The following EP300 variants were observed in gnomAD, a reference collection of about 807,000 sequenced individuals.
EP300 encodes the protein histone acetyltransferase p300.
EP300 carries 31 observed loss-of-function variants against 264.0 expected under a neutral mutation model. That is an observed-to-expected ratio of 0.12 (90% CI 0.09 to 0.16). The LOEUF is 0.16. EP300 is among the 10% of genes least tolerant of loss of function. The pLI is 1.00. For synonymous variants in EP300, 1,340 were observed against 1,045.4 expected, an observed-to-expected ratio of 1.28 and a Z score of -5.44; for missense variants, 2,766 against 3,052.9, an observed-to-expected ratio of 0.91 and a Z score of 2.21.
intron 14 of EP300, among the ~76,000 whole-genome samples, chr22:41,150,912 G>A (rs1322319506): frequency 2.0e-5 from 3 of 150,916 alleles, no homozygotes; most frequent in African/African-American, 2.4e-5. Context: ...AAAAATTGCA[G>A]ATTTATGAGT....
chr22:41,100,163 G>GT (rs1469301949), intron 1 of EP300, among the ~76,000 whole-genome samples: 1 of 152,186 alleles, frequency 6.6e-6, no homozygotes. Flanking sequence ...GAGCCCAGGA[G>GT]TTTTGAGGTT....
rs777548447 is a variant in EP300 at position 41,178,317 on chromosome 22, C to T, written c.6606C>T (p.Gly2202=). 7 of 1,614,158 alleles carry T rather than the reference C, an allele frequency of 4.3e-6. No homozygotes were observed. Among genetic ancestry groups the T allele is most frequent in the Non-Finnish European group, 5.9e-6 (7 of 1,180,016 alleles). Residue 2202 remains glycine, a synonymous_variant, in exon 31 of 31, where the codon GGC becomes GGT. Coordinates refer to ENST00000263253, the MANE Select transcript of EP300 (RefSeq NM_001429.4). ...AACAGGGAGCAGGGCCAGGAATAGG[C>T]CCTGGAATGGCCAACCATAACCAGT... ...QQQQGAGPGI[G]PGMANHNQFQ...
chr22:41,149,054 C>T lies in EP300; in HGVS notation c.2258C>T (p.Pro753Leu), dbSNP rs375255068. The T allele has an allele frequency of 6.2e-7, 1 of 1,613,132 alleles. No individual in the cohort carries two copies. Among genetic ancestry groups the T allele is most frequent in the Non-Finnish European group, 8.5e-7 (1 of 1,179,838 alleles). The change falls in exon 13 of 31, where the codon CCT (proline) becomes CTT (leucine). Residue 753 changes from proline (P) to leucine (L), a missense_variant. Physicochemically the swap from Pro to Leu is moderately conservative, Grantham distance 98. Coordinates refer to ENST00000263253, the MANE Select transcript of EP300 (RefSeq NM_001429.4). ...TTTTTTCAGCCTATGGGCTATGGGC[C>T]TCGTATGCAACAGCCTTCCAACCAG... ...GALNPPMGYG[P>L]RMQQPSNQGQ... is the part of the protein sequence containing the mutation.
At position 41,149,851 on chromosome 22, in the gene EP300, C is replaced by A; in HGVS notation, c.2470C>A (p.Gln824Lys). ...GSHIHCPQLP[Q>K]PALHQNSPSP... ...CCACATTCACTGTCCCCAGCTTCCT[C>A]AACCAGCTCTTCATCAGAATTCACC... is the stretch of plus-strand genomic sequence containing the variant. The change falls in exon 14 of 31, where the codon CAA becomes AAA. Residue 824 changes from glutamine (Q) to lysine (K), a missense_variant. Gln to Lys is a moderately conservative substitution (Grantham distance 53). Transcript: ENST00000263253. The A allele has an allele frequency of 6.2e-7, 1 of 1,614,104 alleles. No individual in the cohort carries two copies. The highest frequency in any genetic ancestry group is 8.5e-7 in the Non-Finnish European group (1 of 1,180,008).
chr22:41,097,398 T>C (rs1473390451), intron 1 of EP300, among the ~76,000 whole-genome samples: 1 of 152,216 alleles, frequency 6.6e-6, no homozygotes, highest in Non-Finnish European at 1.5e-5. Context: ...CTTGGTGGCC[T>C]TTTGGCATTA....
rs2058973840 is a variant in EP300, at chr22:41,140,200, C to T, written c.1821C>T (p.Asn607=). ...PAALKDRRME[N]LVAYARKVEG... ...CTTTAAAAGACAGACGGATGGAAAA[C>T]CTAGTTGCATATGCTCGGAAAGTTG... Residue 607 remains asparagine, a synonymous_variant, in exon 9 of 31, where the codon AAC becomes AAT. Coordinates refer to ENST00000263253, the MANE Select transcript of EP300 (RefSeq NM_001429.4). 1 of 1,613,946 alleles carries T rather than the reference C, an allele frequency of 6.2e-7. No homozygotes were observed. The highest frequency in any genetic ancestry group is 1.3e-5 in the African/African-American group (1 of 74,902).
chr22:41,145,008 T>G (rs2059002923), intron 10 of EP300, among the ~76,000 whole-genome samples: 1 of 152,210 alleles, frequency 6.6e-6, no homozygotes, highest in Non-Finnish European at 1.5e-5. Context: ...TCTCTCCACT[T>G]CAGTCCTCAC....
In EP300 at chr22:41,179,110, A is replaced by C; in HGVS notation, c.*154A>C. The C allele has an allele frequency of 1.2e-6, 1 of 814,924 alleles. No homozygotes were observed. Among genetic ancestry groups the C allele is most frequent in the Non-Finnish European group, 1.9e-6 (1 of 524,152 alleles). The allele number at this position is 814,924 out of a possible 1,614,324, so 50.5% of individuals were successfully genotyped here. A position where few individuals can be genotyped will look rare whatever the true frequency, so the allele number is the denominator to read the frequency against. ...GCAGTAGCCGTTTGTGGTTTAAAGCAAACATGCAAGATGAACCTGAGGGAT... is the reference window on the plus strand; with the variant it reads ...GCAGTAGCCGTTTGTGGTTTAAAGCCAACATGCAAGATGAACCTGAGGGAT... On this transcript the variant is annotated 3_prime_UTR_variant, in exon 31 of 31. Transcript: ENST00000263253.
chr22:41,130,615 T>C (rs1260340267), intron 5 of EP300, among the ~76,000 whole-genome samples: 4 of 152,172 alleles, frequency 2.6e-5, no homozygotes, highest in East Asian at 1.9e-4. Context: ...TCAATACTTA[T>C]TATTTATACA....
At chr22:41,136,766 G>C (rs558062538) in intron 7 of EP300, among the ~76,000 whole-genome samples, 2 of 152,270 alleles carry the variant, frequency 1.3e-5, no homozygotes, top group African/African-American at 2.4e-5. Context: ...ACAAGCCTTA[G>C]AAAACTAAGT....
chr22:41,162,313 T>G (rs566103134), intron 20 of EP300, among the ~76,000 whole-genome samples: 1 of 152,204 alleles, frequency 6.6e-6, no homozygotes, highest in Non-Finnish European at 1.5e-5. Flanking sequence ...TAATGTTGAT[T>G]CTAGTTGGAG....
chr22:41,093,168 C>CT (rs2058683280), intron 1 of EP300, 70 bp downstream of exon 1: 4 of 1,484,298 alleles, frequency 2.7e-6, no homozygotes, highest in East Asian at 4.5e-5. Context: ...TTTATTCTTC[C>CT]ATTTTTTTTT....
At chr22:41,139,832 C>G (rs1051804279) in intron 8 of EP300, among the ~76,000 whole-genome samples, 1 of 152,170 alleles carries the variant, frequency 6.6e-6, no homozygotes, top group African/African-American at 2.4e-5. Context: ...CTGAAGGCTA[C>G]TTGATACTAT....
rs755979416 is a variant in EP300 at position 41,147,900 on chromosome 22, C to CTCT, written c.2198_2200dup (p.Leu733dup). On this transcript the variant is annotated inframe_insertion, in exon 12 of 31. Transcript: ENST00000263253. ...CCTATTGTACCCCGGCAAACCCCTC[C>CTCT]TCTTCAGCACCATGGACAGTTGGCT... 1 of 1,614,148 alleles carries CTCT rather than the reference C, an allele frequency of 6.2e-7. No homozygotes were observed. The highest frequency in any genetic ancestry group is 8.5e-7 in the Non-Finnish European group (1 of 1,180,020).
chr22:41,114,347 A>G (rs938785580), intron 1 of EP300, among the ~76,000 whole-genome samples: 3 of 152,020 alleles, frequency 2.0e-5, no homozygotes, highest in South Asian at 2.1e-4. Context: ...AGGCCTGGCT[A>G]AGTTTTGTAT....
At chr22:41,095,179 A>G (rs928057959) in intron 1 of EP300, among the ~76,000 whole-genome samples, 5 of 151,322 alleles carry the variant, frequency 3.3e-5, no homozygotes, top group Non-Finnish European at 5.9e-5. Context: ...AGAAGTGAGT[A>G]TAAAGAAAAT....
Position 41,126,729 on chromosome 22 carries a change from C to CTTTTTTTTTTTT in EP300, c.906+710_906+721dup, listed in dbSNP as rs71328775. On this transcript the variant is annotated intron_variant, in intron 3 of 30. Transcript: ENST00000263253. Reference sequence around the variant, plus strand: ...TCATCTCTGTCCCGAGAAATGTTCACTTTTTTTTTTTTTTTTTTTTTTTTT... The same window carrying CTTTTTTTTTTTT: ...TCATCTCTGTCCCGAGAAATGTTCACTTTTTTTTTTTTTTTTTTTTTTTTTTTTTTTTTTTTT... 1.4e-3 allele frequency among the ~76,000 whole-genome samples: 67 copies of CTTTTTTTTTTTT among 48,826 alleles called. 11 individuals are homozygous for CTTTTTTTTTTTT. The highest frequency in any genetic ancestry group is 2.2e-3 in the Admixed American group (6 of 2,702). The allele number at this position is 48,826 out of a possible 152,430, so 32.0% of individuals were successfully genotyped here. A position where few individuals can be genotyped will look rare whatever the true frequency, so the allele number is the denominator to read the frequency against.
intron 21 of EP300, among the ~76,000 whole-genome samples, chr22:41,163,725 C>A (rs186646558): frequency 6.6e-6 from 1 of 151,862 alleles, no homozygotes; most frequent in African/African-American, 2.4e-5. Context: ...CCAGCCTGGG[C>A]GACACAGAGA....
In EP300 at chr22:41,179,038, CT is replaced by C; in HGVS notation, c.*85del. The C allele has an allele frequency of 6.5e-7, 1 of 1,527,208 alleles. No homozygotes were observed. The highest frequency in any genetic ancestry group is 8.9e-7 in the Non-Finnish European group (1 of 1,120,280). 94.6% of individuals were successfully genotyped at this position (1,527,208 alleles called of 1,614,324 possible). Reference sequence around the variant, plus strand: ...TGTACTGAAAACAATTTTTTTGAATCTTTCGTAGCCTAAAAGACAATTTTCC... The same window carrying C: ...TGTACTGAAAACAATTTTTTTGAATCTTCGTAGCCTAAAAGACAATTTTCC... On this transcript the variant is annotated 3_prime_UTR_variant, in exon 31 of 31. Coordinates refer to ENST00000263253, the MANE Select transcript of EP300 (RefSeq NM_001429.4).
Sources: allele counts gnomAD v4.1 joint callset (sites outside exome capture counted in the v4.1 genomes callset), GRCh38; gene constraint gnomAD v4.1.1; transcripts MANE v1.5; gene names NCBI Gene and HGNC (gene_info 2026-07-23, HGNC 2026-07-21).